The following DACH1 variants were observed in gnomAD, a reference collection of about 807,000 sequenced individuals.
DACH1 encodes the protein dachshund family transcription factor 1, also known as dachshund homolog 1.
A neutral mutation model predicts 54.2 loss-of-function variants in DACH1; 12 were observed. The ratio of observed to expected loss-of-function variants is 0.22; its 90% CI spans 0.14 to 0.36. The LOEUF (loss-of-function observed/expected upper bound fraction) is 0.36, where lower values mean the gene tolerates loss of function less well. Among genes scored for constraint, DACH1 ranks in the 10% least tolerant of loss-of-function variants. The probability of loss-of-function intolerance (pLI) is 1.00; values close to 1 mark genes in which losing one functional copy is unlikely to be tolerated. For missense variants in DACH1, 805 were observed against 929.8 expected, an observed-to-expected ratio of 0.87 and a Z score of 1.75; for synonymous variants, 386 against 366.2, an observed-to-expected ratio of 1.05 and a Z score of -0.62.
At position 71,826,090 on chromosome 13, in the gene DACH1, T is replaced by C. The variant is rs546464088; in HGVS notation, c.848+39832A>G. Reference sequence around the variant, plus strand: ...AAAAACTGGAAATTAAAAATGTGTATTCAAATATCCATTTGACTGCTTCCC... The same window carrying C: ...AAAAACTGGAAATTAAAAATGTGTACTCAAATATCCATTTGACTGCTTCCC... On this transcript the variant is annotated intron_variant, in intron 1 of 10. Coordinates refer to ENST00000613252, the MANE Select transcript of DACH1 (RefSeq NM_080759.6). Among the ~76,000 whole-genome samples, 3 of 152,252 alleles carry C rather than the reference T, an allele frequency of 2.0e-5. No homozygotes were observed. The East Asian group carries it at 5.8e-4, about 29-fold the overall frequency.
At chr13:71,695,445 A>T (rs762901172) in intron 1 of DACH1, among the ~76,000 whole-genome samples, 14 of 152,254 alleles carry the variant, frequency 9.2e-5, no homozygotes, top group Non-Finnish European at 1.5e-4. Flanking sequence ...CTTTAGAAAG[A>T]GAAAGGAAAA....
At chr13:71,772,573 C>A (rs539777473) in intron 1 of DACH1, among the ~76,000 whole-genome samples, 10 of 151,822 alleles carry the variant, frequency 6.6e-5, no homozygotes, top group East Asian at 3.9e-4. Flanking sequence ...CTATTTTAAT[C>A]ATTACTTACT....
intron 2 of DACH1, among the ~76,000 whole-genome samples, chr13:71,681,175 G>C (rs1566428804): frequency 6.6e-6 from 1 of 152,016 alleles, no homozygotes; most frequent in Admixed American, 6.6e-5. Flanking sequence ...CCCATTCAGG[G>C]GGTAGAAATC....
chr13:71,756,524 G>GAAA lies in DACH1; in HGVS notation c.849-74617_849-74615dup, dbSNP rs573318084. Among the ~76,000 whole-genome samples, 497 of 145,834 alleles carry GAAA rather than the reference G, an allele frequency of 3.4e-3. 4 individuals carry two copies. Among genetic ancestry groups the GAAA allele is most frequent in the Admixed American group, 6.5e-3 (95 of 14,592 alleles). On this transcript the variant is annotated intron_variant, in intron 1 of 10. Coordinates refer to ENST00000613252, the MANE Select transcript of DACH1 (RefSeq NM_080759.6). The stretch of plus-strand genomic sequence containing the variant: ...GTTTAGGGTTTGTTTTCAAAACAAT[G>GAAA]AAAAAAAAAAACATTTTATTTTAAA...
chr13:71,689,307 C>G (rs1056663401), intron 1 of DACH1, among the ~76,000 whole-genome samples: 6 of 152,162 alleles, frequency 3.9e-5, no homozygotes, highest in Admixed American at 3.3e-4. Context: ...TTTTGGTTAC[C>G]ATTATCTATT....
intron 8 of DACH1, 77 bp downstream of exon 8, chr13:71,479,092 A>G: frequency 7.5e-7 from 1 of 1,331,182 alleles, no homozygotes. Context: ...TACAATTTCA[A>G]AATAAATCAC....
intron 1 of DACH1, among the ~76,000 whole-genome samples, chr13:71,824,951 T>C (rs1888323521): frequency 6.6e-6 from 1 of 152,012 alleles, no homozygotes; most frequent in Non-Finnish European, 1.5e-5. Context: ...GAAAAAAACA[T>C]GCCATTAAAT....
intron 7 of DACH1, among the ~76,000 whole-genome samples, chr13:71,486,788 A>AAATTAATT (rs1351667083): frequency 6.4e-5 from 9 of 141,710 alleles, no homozygotes; most frequent in African/African-American, 1.8e-4. Context: ...CGGACAAGCT[A>AAATTAATT]AATTAATTAA....
chr13:71,554,162 C>T (rs558122277), intron 6 of DACH1, among the ~76,000 whole-genome samples: 11 of 151,818 alleles, frequency 7.2e-5, no homozygotes, highest in Non-Finnish European at 1.0e-4. Flanking sequence ...TTTTTAATTT[C>T]GTAGTTTCTA....
intron 3 of DACH1, among the ~76,000 whole-genome samples, chr13:71,589,792 A>G (rs1839746768): frequency 6.6e-6 from 1 of 151,920 alleles, no homozygotes; most frequent in African/African-American, 2.4e-5. Context: ...AAAAGAACAA[A>G]ATTTGCTAAC....
At chr13:71,751,730 A>T (rs2137979960) in intron 1 of DACH1, among the ~76,000 whole-genome samples, 1 of 152,268 alleles carries the variant, frequency 6.6e-6, no homozygotes, top group South Asian at 2.1e-4. Context: ...ATATGTCAAC[A>T]AAATATTAGA....
chr13:71,584,382 A>G (rs1873075548), intron 3 of DACH1, among the ~76,000 whole-genome samples: 1 of 152,164 alleles, frequency 6.6e-6, no homozygotes, highest in East Asian at 1.9e-4. Flanking sequence ...AGTATACTTT[A>G]CGCTTAGTGT....
chr13:71,631,757 A>G (rs973263548), intron 2 of DACH1, among the ~76,000 whole-genome samples: 1 of 152,184 alleles, frequency 6.6e-6, no homozygotes, highest in Non-Finnish European at 1.5e-5. Flanking sequence ...AGAATAGTTC[A>G]TCTTCATCCA....
chr13:71,481,660 G>A (rs1275767043), intron 7 of DACH1, among the ~76,000 whole-genome samples: 1 of 152,142 alleles, frequency 6.6e-6, no homozygotes, highest in Admixed American at 6.5e-5. Context: ...AGTCCAGTGT[G>A]AACAAAAATC....
chr13:71,737,305 T>C (rs1377168460), intron 1 of DACH1, among the ~76,000 whole-genome samples: 1 of 152,046 alleles, frequency 6.6e-6, no homozygotes, highest in African/African-American at 2.4e-5. Flanking sequence ...ACCATGAAGA[T>C]AGTTTTGGAG....
chr13:71,637,151 C>T (rs1877548671), intron 2 of DACH1, among the ~76,000 whole-genome samples: 1 of 152,022 alleles, frequency 6.6e-6, no homozygotes, highest in Admixed American at 6.6e-5. Context: ...AAACTTTGGA[C>T]AAGATGCATC....
At chr13:71,508,913 C>T (rs1193025914) in intron 6 of DACH1, among the ~76,000 whole-genome samples, 2 of 152,160 alleles carry the variant, frequency 1.3e-5, no homozygotes, top group African/African-American at 2.4e-5. Flanking sequence ...AGTGATACCA[C>T]CATCTTTGAA....
chr13:71,682,716 C>A (rs1880975590), intron 1 of DACH1, among the ~76,000 whole-genome samples: 1 of 151,926 alleles, frequency 6.6e-6, no homozygotes, highest in Admixed American at 6.6e-5. Flanking sequence ...TCATATGTAC[C>A]TTTAGGATAA....
intron 1 of DACH1, among the ~76,000 whole-genome samples, chr13:71,835,114 T>A (rs1888734827): frequency 6.6e-6 from 1 of 151,988 alleles, no homozygotes; most frequent in Non-Finnish European, 1.5e-5. Flanking sequence ...GGTGAAAACT[T>A]TGGAAATGTT....
Sources: gnomAD v4.1 joint callset for allele counts (sites outside exome capture counted in the v4.1 genomes callset) on GRCh38, gnomAD v4.1.1 for gene constraint, MANE v1.5 for transcripts, NCBI Gene and HGNC (gene_info 2026-07-23, HGNC 2026-07-21) for gene names.